The following ZFHX4 variants were observed in gnomAD, a reference collection of about 807,000 sequenced individuals.
ZFHX4 encodes the protein zinc finger homeobox protein 4.
A neutral mutation model predicts 267.6 loss-of-function variants in ZFHX4; 56 were observed. The ratio of observed to expected loss-of-function variants is 0.21; its 90% CI spans 0.17 to 0.26. The LOEUF (loss-of-function observed/expected upper bound fraction) is 0.26. Ranked by LOEUF, ZFHX4 falls within the 10% of genes least tolerant of loss-of-function variation. ZFHX4 has a pLI of 1.00. For missense variants in ZFHX4, 4,332 were observed against 4,420.0 expected, an observed-to-expected ratio of 0.98 and a Z score of 0.56; for synonymous variants, 1,778 against 1,665.6, an observed-to-expected ratio of 1.07 and a Z score of -1.64.
At chr8:76,682,243 C>A in intron 1 of ZFHX4, among the ~76,000 whole-genome samples, 1 of 152,222 alleles carries the variant, frequency 6.6e-6, no homozygotes, top group East Asian at 1.9e-4. Context: ...CCCTCCACCC[C>A]CCACCCCACC....
At chr8:76,772,943 C>CCTTTTCTCT (rs1810305715) in intron 3 of ZFHX4, among the ~76,000 whole-genome samples, 1 of 152,104 alleles carries the variant, frequency 6.6e-6, no homozygotes, top group South Asian at 2.1e-4. Flanking sequence ...CCCAGAGGTG[C>CCTTTTCTCT]CTTTTCTCTA....
At chr8:76,808,928 C>G (rs1410738643) in intron 4 of ZFHX4, among the ~76,000 whole-genome samples, 1 of 151,842 alleles carries the variant, frequency 6.6e-6, no homozygotes, top group African/African-American at 2.4e-5. Context: ...CTCTCTCTCT[C>G]TCTCTCACAC....
chr8:76,692,580 T>C (rs1807852291), intron 1 of ZFHX4, among the ~76,000 whole-genome samples: 1 of 152,140 alleles, frequency 6.6e-6, no homozygotes, highest in South Asian at 2.1e-4. Flanking sequence ...TCCTTTATTG[T>C]TCTATAATAA....
chr8:76,861,776 T>C (rs1283430981), intron 10 of ZFHX4, among the ~76,000 whole-genome samples: 1 of 152,058 alleles, frequency 6.6e-6, no homozygotes, highest in Admixed American at 6.6e-5. Flanking sequence ...CTTTTTTTTT[T>C]AACACTCACA....
At chr8:76,701,409 T>A (rs1808099902) in intron 1 of ZFHX4, among the ~76,000 whole-genome samples, 1 of 152,102 alleles carries the variant, frequency 6.6e-6, no homozygotes, top group East Asian at 1.9e-4. Context: ...CCAAAATATA[T>A]CCTACCATAT....
chr8:76,771,998 G>T (rs1810276494), intron 3 of ZFHX4, among the ~76,000 whole-genome samples: 1 of 152,070 alleles, frequency 6.6e-6, no homozygotes, highest in African/African-American at 2.4e-5. Flanking sequence ...GAAGCATAGG[G>T]GTTTGCCTGA....
intron 1 of ZFHX4, among the ~76,000 whole-genome samples, chr8:76,701,676 G>A (rs1227152360): frequency 6.6e-6 from 1 of 152,116 alleles, no homozygotes; most frequent in Non-Finnish European, 1.5e-5. Context: ...GACTGTATTT[G>A]TGGGATGAGA....
At position 76,854,338 on chromosome 8, in the gene ZFHX4, A is replaced by T; in HGVS notation, c.7417A>T (p.Ser2473Cys). Residue 2473 changes from serine to cysteine, a missense_variant, in exon 10 of 11, where the codon AGT becomes TGT. Coordinates refer to ENST00000651372, the MANE Select transcript of ZFHX4 (RefSeq NM_024721.5). The stretch of plus-strand genomic sequence containing the variant: ...GGCCTCTCAAACACCGGTCCCTTCC[A>T]GTCCACTGCAAATTTCCATGACGTC... ...PSASQTPVPS[S>C]PLQISMTSLQ... is the part of the protein sequence containing the mutation. The T allele has an allele frequency of 6.2e-7, 1 of 1,613,882 alleles. No homozygotes were observed. The highest frequency in any genetic ancestry group is 8.5e-7 in the Non-Finnish European group (1 of 1,179,868).
intron 4 of ZFHX4, among the ~76,000 whole-genome samples, chr8:76,796,779 C>T (rs1435937216): frequency 6.6e-6 from 1 of 152,152 alleles, no homozygotes; most frequent in Non-Finnish European, 1.5e-5. Flanking sequence ...TGTCACTTCT[C>T]CTGATAATCT....
intron 3 of ZFHX4, among the ~76,000 whole-genome samples, chr8:76,769,385 T>G (rs1223660276): frequency 1.3e-5 from 2 of 152,100 alleles, no homozygotes; most frequent in African/African-American, 4.8e-5. Flanking sequence ...GGTCTTGCTC[T>G]GTTGCCCAGG....
Position 76,864,644 on chromosome 8 carries a change from A to C in ZFHX4, c.*79A>C. 1.8e-6 allele frequency: 2 copies of C among 1,133,158 alleles called. No homozygotes were observed. The highest frequency in any genetic ancestry group is 2.4e-6 in the Non-Finnish European group (2 of 830,390). The allele number at this position is 1,133,158 out of a possible 1,614,324, so 70.2% of individuals were successfully genotyped here. A position where few individuals can be genotyped will look rare whatever the true frequency, so the allele number is the denominator to read the frequency against. ...AAAATAAGACTTTAACTGCAGTTCC[A>C]AAGCTTCTCTAACCCAAAAATTACA... On this transcript the variant is annotated 3_prime_UTR_variant, in exon 11 of 11. Coordinates refer to ENST00000651372, the MANE Select transcript of ZFHX4 (RefSeq NM_024721.5).
Position 76,865,527 on chromosome 8 carries a change from C to T in ZFHX4, c.*962C>T, listed in dbSNP as rs1455238575. On this transcript the variant is annotated 3_prime_UTR_variant, in exon 11 of 11. Coordinates refer to ENST00000651372, the MANE Select transcript of ZFHX4 (RefSeq NM_024721.5). The stretch of plus-strand genomic sequence containing the variant: ...TTTTTTCCTTTCTTTGTGTGTAGTG[C>T]AGCAACAGTTTGGTCTGCATTTGTT... The T allele has an allele frequency of 1.3e-5, 2 of 152,406 alleles. No individual in the cohort carries two copies. Among genetic ancestry groups the T allele is most frequent in the Non-Finnish European group, 2.9e-5 (2 of 68,002 alleles). 9.4% of individuals were successfully genotyped at this position (152,406 alleles called of 1,614,324 possible).
chr8:76,760,105 T>C (rs1270452469), intron 3 of ZFHX4, among the ~76,000 whole-genome samples: 2 of 152,216 alleles, frequency 1.3e-5, no homozygotes, highest in Non-Finnish European at 2.9e-5. Flanking sequence ...AGAATACACA[T>C]GAAGTTCATT....
intron 1 of ZFHX4, among the ~76,000 whole-genome samples, chr8:76,702,963 GACACAC>G (rs33934020): frequency 1.4e-5 from 2 of 147,586 alleles, no homozygotes; most frequent in African/African-American, 2.5e-5. Context: ...TCTCAGGCAA[GACACAC>G]ACACACACAC....
intron 1 of ZFHX4, among the ~76,000 whole-genome samples, chr8:76,695,134 G>A (rs780016310): frequency 2.6e-5 from 4 of 152,058 alleles, no homozygotes; most frequent in Non-Finnish European, 5.9e-5. Context: ...GGGGAGGTGG[G>A]GGTCATGAGG....
intron 1 of ZFHX4, among the ~76,000 whole-genome samples, chr8:76,699,475 C>A (rs1416484743): frequency 6.6e-6 from 1 of 152,104 alleles, no homozygotes; most frequent in African/African-American, 2.4e-5. Flanking sequence ...AAGAGAAACA[C>A]TAGCACCAAC....
intron 4 of ZFHX4, among the ~76,000 whole-genome samples, chr8:76,803,284 G>GT (rs1811165628): frequency 6.6e-6 from 1 of 151,696 alleles, no homozygotes; most frequent in African/African-American, 2.4e-5. Context: ...GTGTGTGTGT[G>GT]GTATGACCGA....
At chr8:76,714,486 G>A (rs1332543010) in intron 3 of ZFHX4, among the ~76,000 whole-genome samples, 2 of 152,176 alleles carry the variant, frequency 1.3e-5, no homozygotes, top group Non-Finnish European at 1.5e-5. Flanking sequence ...TTCCAGGAGA[G>A]CGTATGGGAG....
chr8:76,851,635 G>C lies in ZFHX4; in HGVS notation c.4714G>C (p.Val1572Leu). The change falls in exon 10 of 11, where the codon GTT (valine) becomes CTT (leucine). Residue 1572 changes from valine (V) to leucine (L), a missense_variant. Transcript: ENST00000651372. ...TTCTCACTTGCATAAGCTGAAAAAA[G>C]TTTTGCAGGAAGCCTCCAGTCCTGT... Reference protein sequence around the residue: ...SVSHLHKLKKVLQEASSPVPQ... With the variant: ...SVSHLHKLKKLLQEASSPVPQ... The C allele has an allele frequency of 6.2e-7, 1 of 1,613,794 alleles. No homozygotes were observed. Among genetic ancestry groups the C allele is most frequent in the Non-Finnish European group, 8.5e-7 (1 of 1,179,838 alleles).
Sources: allele counts gnomAD v4.1 joint callset (sites outside exome capture counted in the v4.1 genomes callset), GRCh38; gene constraint gnomAD v4.1.1; transcripts MANE v1.5; gene names NCBI Gene and HGNC (gene_info 2026-07-23, HGNC 2026-07-21).